MOV10: variants seen among roughly 807,000 people sequenced by gnomAD.
The protein encoded by MOV10 is Mov10 RNA helicase.
Under a neutral mutation model 108.4 loss-of-function variants are expected in MOV10, and 39 were observed. That is an observed-to-expected ratio of 0.36 (90% CI 0.28 to 0.47). The LOEUF (loss-of-function observed/expected upper bound fraction) is 0.47, where lower values mean the gene tolerates loss of function less well. Ranked by LOEUF, MOV10 falls within the 20% of genes least tolerant of loss-of-function variation. MOV10 has a pLI of 1.00. For synonymous variants in MOV10, 490 were observed against 523.1 expected (o/e 0.94, Z 0.86); for missense variants, 952 against 1,297.6 (o/e 0.73, Z 4.09).
chr1:112,684,236 G>A (rs1032956248), intron 2 of MOV10, among the ~76,000 whole-genome samples: 2 of 150,498 alleles, frequency 1.3e-5, no homozygotes, highest in South Asian at 2.1e-4. Flanking sequence ...GATTAGAGGC[G>A]TGAGCCACCA....
chr1:112,692,811 G>A lies in MOV10; in HGVS notation c.1022G>A (p.Arg341Gln), dbSNP rs4448516. 6.2e-6 allele frequency: 10 copies of A among 1,613,938 alleles called. No individual in the cohort carries two copies. The highest frequency in any genetic ancestry group is 3.3e-5 in the South Asian group (3 of 91,078). ...LKWRNYEVKL[R>Q]LLLHLEELQM... Reference sequence around the variant, plus strand: ...TGGAGGAACTATGAGGTGAAGCTGCGGCTGCTGCTGCACCTGGAGGAACTG... The same window carrying A: ...TGGAGGAACTATGAGGTGAAGCTGCAGCTGCTGCTGCACCTGGAGGAACTG... The change falls in exon 7 of 21, where the codon CGG (arginine) becomes CAG (glutamine). Residue 341 changes from arginine (R) to glutamine (Q), a missense_variant. Arg to Gln is a conservative substitution (Grantham distance 43). This residue lies in a region of MOV10 where 374 missense variants were observed against 468.6 expected (regional missense o/e 0.80). Transcript: ENST00000369645.
chr1:112,684,511 G>A (rs1270342796), intron 2 of MOV10, among the ~76,000 whole-genome samples: 3 of 148,636 alleles, frequency 2.0e-5, no homozygotes, highest in Admixed American at 6.7e-5. Context: ...CAGGTGATCC[G>A]CCCGCCTCAG....
intron 7 of MOV10, 73 bp downstream of exon 7, chr1:112,693,002 C>A: frequency 2.1e-6 from 3 of 1,416,194 alleles, no homozygotes; most frequent in South Asian, 1.3e-5. Flanking sequence ...CAGAACTATT[C>A]CTGACAGCAG....
chr1:112,698,937 A>G (rs1674367720), intron 17 of MOV10, 148 bp downstream of exon 17: 3 of 691,330 alleles, frequency 4.3e-6, no homozygotes, highest in Non-Finnish European at 2.6e-6. Flanking sequence ...TGAGCCTCTC[A>G]CTCCTGGAGA....
chr1:112,692,847 A>C lies in MOV10; in HGVS notation c.1058A>C (p.His353Pro). 6.2e-7 allele frequency: 1 copy of C among 1,614,068 alleles called. No homozygotes were observed. Among genetic ancestry groups the C allele is most frequent in the Non-Finnish European group, 8.5e-7 (1 of 1,180,006 alleles). Residue 353 changes from histidine to proline, a missense_variant, in exon 7 of 21, where the codon CAT becomes CCT. Transcript: ENST00000369645. ...LLHLEELQME[H>P]DIRHYDLESV... ...CACCTGGAGGAACTGCAGATGGAGC[A>C]TGATATCCGGCACTATGACCTGGAG... is the stretch of plus-strand genomic sequence containing the variant.
rs1360778757 is a variant in MOV10, at chr1:112,676,344, C to T, written c.137+1295C>T. 3.9e-5 allele frequency among the ~76,000 whole-genome samples: 6 copies of T among 152,284 alleles called. No homozygotes were observed. The East Asian group carries it at 1.2e-3, about 29-fold the overall frequency. ...TGCTGGAGGAAAGAGCGAGCATTTG[C>T]ATCACATGGTATCAACACTTAAGGT... On this transcript the variant is annotated intron_variant, in intron 2 of 20. Transcript: ENST00000369645.
chr1:112,677,847 T>C (rs1672316722), intron 2 of MOV10, among the ~76,000 whole-genome samples: 1 of 152,122 alleles, frequency 6.6e-6, no homozygotes, highest in Non-Finnish European at 1.5e-5. Context: ...TCTCTCCAGC[T>C]AGGTTATTTT....
intron 5 of MOV10, 152 bp from the exon 6 acceptor site, chr1:112,691,513 A>G: frequency 1.1e-6 from 1 of 873,284 alleles, no homozygotes; most frequent in Non-Finnish European, 1.7e-6. Flanking sequence ...CGCATGTTCC[A>G]AAAATGAGAG....
Position 112,696,664 on chromosome 1 carries a change from A to T in MOV10, c.2016A>T (p.Gly672=), listed in dbSNP as rs1674117725. The change falls in exon 14 of 21, where the codon GGA becomes GGT. Residue 672 remains glycine (G), a synonymous_variant. Coordinates refer to ENST00000369645, the MANE Select transcript of MOV10 (RefSeq NM_001321324.2). ...LMEVKETGDP[G]GQLVLAGDPR... ...AAGTAAAGGAAACAGGTGATCCAGGAGGGCAGCTGGTGCTGGCAGGAGACC... is the reference window on the plus strand; with the variant it reads ...AAGTAAAGGAAACAGGTGATCCAGGTGGGCAGCTGGTGCTGGCAGGAGACC... 6.2e-7 allele frequency: 1 copy of T among 1,611,476 alleles called. No individual in the cohort carries two copies. The highest frequency in any genetic ancestry group is 1.1e-5 in the South Asian group (1 of 90,638).
At position 112,694,516 on chromosome 1, in the gene MOV10, G is replaced by A. The variant is rs752966137; in HGVS notation, c.1359G>A (p.Pro453=). The change falls in exon 9 of 21, where the codon CCG becomes CCA. Residue 453 remains proline (P), a synonymous_variant. Transcript: ENST00000369645. The surrounding 1 kb of genome is among the most constrained non-coding windows in gnomAD (Gnocchi z 4.1). ...TGAACTTTACCTTCAACCGCCAGCC[G>A]CTGCGAGTCCAGCACCGTGCCCTGG... is the stretch of plus-strand genomic sequence containing the variant. ...FKVNFTFNRQ[P]LRVQHRALEL... 2.6e-5 allele frequency: 42 copies of A among 1,614,010 alleles called. No individual in the cohort carries two copies. Among genetic ancestry groups the A allele is most frequent in the Middle Eastern group, 1.6e-4 (1 of 6,080 alleles).
intron 2 of MOV10, 46 bp from the exon 3 acceptor site, chr1:112,688,889 C>G (rs755971711): frequency 3.7e-6 from 6 of 1,609,658 alleles, no homozygotes; most frequent in South Asian, 2.2e-5. Context: ...CTGCCTCCCT[C>G]GAGCCCTGCC....
intron 2 of MOV10, among the ~76,000 whole-genome samples, chr1:112,678,182 T>A (rs1422687086): frequency 1.3e-5 from 2 of 152,064 alleles, no homozygotes; most frequent in Non-Finnish European, 2.9e-5. Context: ...CCAAAATGAG[T>A]TGTCCTAGGC....
Position 112,689,616 on chromosome 1 carries a change from T to G in MOV10, c.543T>G (p.Asn181Lys), listed in dbSNP as rs765876798. The G allele has an allele frequency of 3.7e-6, 6 of 1,614,188 alleles. No homozygotes were observed. In the South Asian group the frequency reaches 5.5e-5, roughly 15 times the overall value. Residue 181 changes from asparagine (N) to lysine (K), a missense_variant, in exon 4 of 21, where the codon AAT becomes AAG. By Grantham distance (94) the Asn-to-Lys change is moderately conservative. Transcript: ENST00000369645. ...GGACACCCCAGTTTGCTTTCTACAA[T>G]GAAGACCAGGAGTTGCCCTGTCCAC... Reference protein sequence around the residue: ...LCRTPQFAFYNEDQELPCPLG... With the variant: ...LCRTPQFAFYKEDQELPCPLG...
At position 112,689,397 on chromosome 1, in the gene MOV10, GA is replaced by G; in HGVS notation, c.342-17del. On this transcript the variant is annotated splice_polypyrimidine_tract_variant and intron_variant, in intron 3 of 20. Coordinates refer to ENST00000369645, the MANE Select transcript of MOV10 (RefSeq NM_001321324.2). ...ACCGCTCCCACCCCAACCCCCCCTT[GA>G]CTCCCCTTCTCCCCAGGGCTGAGTA... 6 of 615,482 alleles carry G rather than the reference GA, an allele frequency of 9.7e-6. No homozygotes were observed. Among genetic ancestry groups the G allele is most frequent in the Admixed American group, 4.3e-5 (2 of 46,778 alleles). 38.1% of individuals were successfully genotyped at this position (615,482 alleles called of 1,614,324 possible).
chr1:112,698,761 G>C lies in MOV10; in HGVS notation c.2555G>C (p.Arg852Pro). The C allele has an allele frequency of 6.2e-7, 1 of 1,614,140 alleles. No homozygotes were observed. Among genetic ancestry groups the C allele is most frequent in the Non-Finnish European group, 8.5e-7 (1 of 1,179,998 alleles). ...YCITKLDREL[R>P]GLDDIKDLKV... is the part of the protein sequence containing the mutation. ...ATCACCAAACTTGACAGGGAGCTTCGAGGACTGGATGACATCAAGGACTTG... is the reference window on the plus strand; with the variant it reads ...ATCACCAAACTTGACAGGGAGCTTCCAGGACTGGATGACATCAAGGACTTG... Residue 852 changes from arginine to proline, a missense_variant, in exon 17 of 21, where the codon CGA (arginine) becomes CCA (proline). By Grantham distance (103) the Arg-to-Pro change is moderately radical. Coordinates refer to ENST00000369645, the MANE Select transcript of MOV10 (RefSeq NM_001321324.2).
At chr1:112,690,181 G>C in intron 5 of MOV10, 83 bp downstream of exon 5, 2 of 1,514,908 alleles carry the variant, frequency 1.3e-6, no homozygotes, top group Admixed American at 2.1e-5. Context: ...CACAGAGCTG[G>C]GAGCCAGAGC....
At chr1:112,688,774 A>T in intron 2 of MOV10, 161 bp from the exon 3 acceptor site, 1 of 1,458,332 alleles carries the variant, frequency 6.9e-7, no homozygotes, top group South Asian at 1.4e-5. Flanking sequence ...CATTCCTCCG[A>T]TCCCCAGCCT....
In MOV10 at chr1:112,698,360, C is replaced by A; in HGVS notation, c.2390C>A (p.Pro797His). ...REGNSPSFFN[P>H]EEAATVTSYL... is the part of the protein sequence containing the mutation. ...GGCAACAGCCCATCCTTCTTCAACC[C>A]TGAAGAGGCTGCCACAGTGACTTCC... Residue 797 changes from proline to histidine, a missense_variant, in exon 16 of 21, where the codon CCT becomes CAT. This residue lies in a region of MOV10 where 453 missense variants were observed against 611.5 expected (regional missense o/e 0.74). Coordinates refer to ENST00000369645, the MANE Select transcript of MOV10 (RefSeq NM_001321324.2). 1 of 1,614,218 alleles carries A rather than the reference C, an allele frequency of 6.2e-7. No homozygotes were observed. The highest frequency in any genetic ancestry group is 8.5e-7 in the Non-Finnish European group (1 of 1,180,026).
chr1:112,698,030 C>G lies in MOV10; in HGVS notation c.2235C>G (p.Leu745=), dbSNP rs1166014903. 1 of 1,614,212 alleles carries G rather than the reference C, an allele frequency of 6.2e-7. No individual in the cohort carries two copies. Residue 745 remains leucine, a synonymous_variant, in exon 15 of 21, where the codon CTC becomes CTG. Coordinates refer to ENST00000369645, the MANE Select transcript of MOV10 (RefSeq NM_001321324.2). ...CCATCCTGGACATTCCTAACCAGCT[C>G]TATTATGAAGGGGAGCTGCAGGCCT... ...HPTILDIPNQ[L]YYEGELQACA...
Sources: allele counts gnomAD v4.1 joint callset (sites outside exome capture counted in the v4.1 genomes callset), GRCh38; gene constraint gnomAD v4.1.1; regional missense constraint gnomAD v4.1.1; non-coding constraint Gnocchi (gnomAD v3.1); transcripts MANE v1.5; gene names NCBI Gene and HGNC (gene_info 2026-07-23, HGNC 2026-07-21).